Variants in BRCA1 observed in about 807,000 individuals in gnomAD.
The protein encoded by BRCA1 is BRCA1 DNA repair associated, also known as breast cancer type 1 susceptibility protein.
Under a neutral mutation model 173.7 loss-of-function variants are expected in BRCA1, and 140 were observed. The ratio of observed to expected loss-of-function variants is 0.81; its 90% CI spans 0.70 to 0.93. The LOEUF (loss-of-function observed/expected upper bound fraction) is 0.93, where lower values mean the gene tolerates loss of function less well. Among genes scored for constraint, BRCA1 ranks in the 40% least tolerant of loss-of-function variants. BRCA1 has a pLI of 0.00. For missense variants in BRCA1, 1,983 were observed against 2,172.5 expected (o/e 0.91, Z 1.73); for synonymous variants, 662 against 756.0 (o/e 0.88, Z 2.04).
At chr17:43,141,589 C>T (rs2056075714) in intron 1 of BRCA1, among the ~76,000 whole-genome samples, 3 of 151,728 alleles carry the variant, frequency 2.0e-5, no homozygotes, top group Admixed American at 6.6e-5. Context: ...CTGAGGCGGG[C>T]GGATCACGAG....
At chr17:43,137,736 G>C (rs1464748401) in intron 1 of BRCA1, among the ~76,000 whole-genome samples, 1 of 152,134 alleles carries the variant, frequency 6.6e-6, no homozygotes, top group Non-Finnish European at 1.5e-5. Context: ...AATTAGCCGG[G>C]CATGGTGGTG....
At chr17:43,078,505 G>A (rs1411071439) in intron 12 of BRCA1, among the ~76,000 whole-genome samples, 1 of 152,188 alleles carries the variant, frequency 6.6e-6, no homozygotes, top group African/African-American at 2.4e-5. Context: ...AAAACAAATA[G>A]TTAAAAATTG....
intron 7 of BRCA1, among the ~76,000 whole-genome samples, chr17:43,099,567 G>A (rs1479401497): frequency 6.6e-6 from 1 of 152,014 alleles, no homozygotes; most frequent in Non-Finnish European, 1.5e-5. Context: ...CACCATGCCT[G>A]GCCTCTTTTG....
chr17:43,079,455 AT>A (rs2052900405), intron 12 of BRCA1: 1 of 1,466,698 alleles, frequency 6.8e-7, no homozygotes. Context: ...TCAAAAAGGA[AT>A]GCCCCACAAG....
At chr17:43,072,507 A>G (rs1489798672) in intron 14 of BRCA1, among the ~76,000 whole-genome samples, 1 of 151,282 alleles carries the variant, frequency 6.6e-6, no homozygotes, top group Non-Finnish European at 1.5e-5. Flanking sequence ...GACTCAAGTG[A>G]TCTTCCTGTC....
In BRCA1 at chr17:43,111,422, A is replaced by C. The variant is rs2055028014; in HGVS notation, c.134+4304T>G. Among the ~76,000 whole-genome samples, 2 of 152,128 alleles carry C rather than the reference A, an allele frequency of 1.3e-5. 1 individual carries two copies. The highest frequency in any genetic ancestry group is 4.1e-4 in the South Asian group (2 of 4,830). Reference sequence around the variant, plus strand: ...GTAGTCCCAGCTACTCGGGAGGCTGAGGCAGGAGATTTGCTTGAACCCAGG... The same window carrying C: ...GTAGTCCCAGCTACTCGGGAGGCTGCGGCAGGAGATTTGCTTGAACCCAGG... On this transcript the variant is annotated intron_variant, in intron 3 of 22. Coordinates refer to ENST00000357654, the MANE Select transcript of BRCA1 (RefSeq NM_007294.4).
intron 1 of BRCA1, among the ~76,000 whole-genome samples, chr17:43,154,633 C>T (rs1414137690): frequency 6.6e-6 from 1 of 152,038 alleles, no homozygotes; most frequent in Non-Finnish European, 1.5e-5. Flanking sequence ...AAAACCAAGG[C>T]ATTCCTGAGA....
In BRCA1 at chr17:43,077,831, G is replaced by A. The variant is rs186274125; in HGVS notation, c.4358-1217C>T. Among the ~76,000 whole-genome samples the A allele has an allele frequency of 2.6e-5, 4 of 152,018 alleles. No individual in the cohort carries two copies. The East Asian group carries it at 7.8e-4, about 29-fold the overall frequency. On this transcript the variant is annotated intron_variant, in intron 12 of 22. Transcript: ENST00000357654. Reference sequence around the variant, plus strand: ...TCACCACAACCTCTCTGCCTCCCAGGTTCAAGCTGTTCTCCTGCCTCAGCC... The same window carrying A: ...TCACCACAACCTCTCTGCCTCCCAGATTCAAGCTGTTCTCCTGCCTCAGCC...
At chr17:43,101,015 G>A (rs1340584008) in intron 6 of BRCA1, among the ~76,000 whole-genome samples, 1 of 151,650 alleles carries the variant, frequency 6.6e-6, no homozygotes, top group East Asian at 2.0e-4. Flanking sequence ...ACAGCCATGA[G>A]CCACCGTGCC....
Position 43,069,558 on chromosome 17 carries a change from G to A in BRCA1, c.4986+1370C>T, listed in dbSNP as rs371932696. Among the ~76,000 whole-genome samples, 7 of 152,172 alleles carry A rather than the reference G, an allele frequency of 4.6e-5. No homozygotes were observed. The East Asian group carries it at 1.2e-3, about 25-fold the overall frequency. On this transcript the variant is annotated intron_variant, in intron 15 of 22. Coordinates refer to ENST00000357654, the MANE Select transcript of BRCA1 (RefSeq NM_007294.4). ...AATGAATAAATAAGGAATTCTGGACGTGCAGGCAAGTGATCAAGAGCCATT... is the reference window on the plus strand; with the variant it reads ...AATGAATAAATAAGGAATTCTGGACATGCAGGCAAGTGATCAAGAGCCATT...
chr17:43,069,899 TATCTC>T (rs893076132), intron 15 of BRCA1, among the ~76,000 whole-genome samples: 4 of 152,310 alleles, frequency 2.6e-5, no homozygotes, highest in African/African-American at 9.6e-5. Flanking sequence ...TCTGGTATGT[TATCTC>T]ATCATAGTTT....
upstream of BRCA1, among the ~76,000 whole-genome samples, chr17:43,127,858 A>G (rs765663186): frequency 6.9e-6 from 1 of 145,138 alleles, no homozygotes. Flanking sequence ...CCCCGACTCT[A>G]CTAAAAAGAC....
intron 21 of BRCA1, among the ~76,000 whole-genome samples, chr17:43,048,259 G>A (rs1263551833): frequency 1.3e-5 from 2 of 152,298 alleles, no homozygotes; most frequent in Non-Finnish European, 2.9e-5. Flanking sequence ...CTGGAGTGCA[G>A]TGGCGCGATC....
chr17:43,058,899 C>T lies in BRCA1; in HGVS notation c.5194-1764G>A, dbSNP rs574357822. Among the ~76,000 whole-genome samples, 7 of 152,260 alleles carry T rather than the reference C, an allele frequency of 4.6e-5. No homozygotes were observed. The East Asian group carries it at 7.7e-4, about 17-fold the overall frequency. On this transcript the variant is annotated intron_variant, in intron 18 of 22. Coordinates refer to ENST00000357654, the MANE Select transcript of BRCA1 (RefSeq NM_007294.4). The stretch of plus-strand genomic sequence containing the variant: ...GGGGAGAAATTTGAGGAAGAACGCT[C>T]AGAAACAATTCTGACTGAAACTCAG...
chr17:43,170,055 G>T, intron 1 of BRCA1: 1 of 405,208 alleles, frequency 2.5e-6, no homozygotes, highest in Non-Finnish European at 5.0e-6. Context: ...GTAGATGCAG[G>T]CAAGCTGGGA....
chr17:43,107,358 T>C (rs1184291134), intron 3 of BRCA1, among the ~76,000 whole-genome samples: 3 of 150,706 alleles, frequency 2.0e-5, no homozygotes, highest in Non-Finnish European at 4.4e-5. Flanking sequence ...CCACCATGCC[T>C]GGCCGACGAT....
chr17:43,082,510 C>T lies in BRCA1; in HGVS notation c.4251G>A (p.Val1417=), dbSNP rs777057839. The change falls in exon 12 of 23, where the codon GTG becomes GTA. Residue 1417 remains valine, a synonymous_variant. Transcript: ENST00000357654. ...LQQEMAELEA[V]LEQHGSQPSN... ...AAGGCTGGCTCCCATGCTGTTCTAA[C>T]ACAGCTTCTAGTTCAGCCATTTCCT... is the stretch of plus-strand genomic sequence containing the variant. The T allele has an allele frequency of 2.5e-6, 4 of 1,614,066 alleles. No homozygotes were observed. The African/African-American group carries it at 5.3e-5, about 22-fold the overall frequency.
chr17:43,119,748 TAAAAGA>T (rs2055463767), intron 2 of BRCA1, among the ~76,000 whole-genome samples: 1 of 152,190 alleles, frequency 6.6e-6, no homozygotes, highest in East Asian at 1.9e-4. Context: ...AAATTCTCCG[TAAAAGA>T]AAAATTGGAT....
intron 1 of BRCA1, among the ~76,000 whole-genome samples, chr17:43,153,955 G>A (rs1306393523): frequency 6.6e-6 from 1 of 152,188 alleles, no homozygotes; most frequent in Non-Finnish European, 1.5e-5. Context: ...GGGAGGCTGA[G>A]GTGGGTGGAT....
Sources: allele counts gnomAD v4.1 joint callset (sites outside exome capture counted in the v4.1 genomes callset), GRCh38; gene constraint gnomAD v4.1.1; transcripts MANE v1.5; gene names NCBI Gene and HGNC (gene_info 2026-07-23, HGNC 2026-07-21).